SYT2: variants seen among roughly 807,000 people sequenced by gnomAD.
The protein encoded by SYT2 is synaptotagmin 2.
SYT2 carries 15 observed loss-of-function variants against 39.9 expected under a neutral mutation model. The ratio of observed to expected loss-of-function variants is 0.38; its 90% confidence interval spans 0.25 to 0.58. The LOEUF is 0.58. SYT2 is among the 20% of genes least tolerant of loss of function. SYT2 has a pLI of 0.70. For missense variants in SYT2, 389 were observed against 530.3 expected (o/e 0.73, Z 2.62); for synonymous variants, 181 against 204.5 (o/e 0.89, Z 0.98).
At chr1:202,656,386 T>C (rs975054380) in intron 1 of SYT2, among the ~76,000 whole-genome samples, 1 of 152,142 alleles carries the variant, frequency 6.6e-6, no homozygotes, top group Non-Finnish European at 1.5e-5. Flanking sequence ...GCAGGAGTGG[T>C]GCAAGCCTCT....
At chr1:202,627,495 T>G in intron 1 of SYT2, 1 of 984,586 alleles carries the variant, frequency 1.0e-6, no homozygotes, top group Non-Finnish European at 1.2e-6. Flanking sequence ...AGGGCCTGAG[T>G]GGTCATGGGT....
intron 1 of SYT2, among the ~76,000 whole-genome samples, chr1:202,646,486 C>A (rs1294134589): frequency 6.6e-6 from 1 of 152,216 alleles, no homozygotes; most frequent in East Asian, 1.9e-4. Context: ...AGGGCAAGGA[C>A]CCCTGCTCAC....
At chr1:202,604,654 GTGCCATGC>G in intron 2 of SYT2, 33 bp from the exon 3 acceptor site, 2 of 1,604,182 alleles carry the variant, frequency 1.2e-6, no homozygotes, top group Non-Finnish European at 8.5e-7. Context: ...AGGGTCAGCA[GTGCCATGC>G]CTTGCAGCCC....
chr1:202,624,386 G>A (rs1691290675), intron 1 of SYT2, among the ~76,000 whole-genome samples: 1 of 151,814 alleles, frequency 6.6e-6, no homozygotes, highest in Admixed American at 6.6e-5. Flanking sequence ...TATGTGTGGT[G>A]TGTACGTATG....
intron 1 of SYT2, among the ~76,000 whole-genome samples, chr1:202,647,456 T>TC (rs138885812): frequency 3.8e-4 from 57 of 151,398 alleles, no homozygotes; most frequent in South Asian, 1.0e-3. Context: ...TTGGGAGGCT[T>TC]CCCCCCCCAA....
At chr1:202,688,725 C>G (rs1653737431) in intron 1 of SYT2, among the ~76,000 whole-genome samples, 1 of 152,244 alleles carries the variant, frequency 6.6e-6, no homozygotes, top group Non-Finnish European at 1.5e-5. Flanking sequence ...GCAGGAAGAA[C>G]TTCCTGATGG....
At chr1:202,660,569 C>T (rs1692357269) in intron 1 of SYT2, among the ~76,000 whole-genome samples, 1 of 152,226 alleles carries the variant, frequency 6.6e-6, no homozygotes, top group Admixed American at 6.5e-5. Flanking sequence ...ATTCAGCAAG[C>T]TCAGTTCTGG....
At position 202,618,416 on chromosome 1, in the gene SYT2, T is replaced by TGTGTGTGTGTGCGC. The variant is rs1553336810; in HGVS notation, c.-17-12628_-17-12627insGCGCACACACACAC. On this transcript the variant is annotated intron_variant, in intron 1 of 8. Coordinates refer to ENST00000367268, the MANE Select transcript of SYT2 (RefSeq NM_177402.5). ...TCTGGTGTGAGTGTGTGTGTGTGTG[T>TGTGTGTGTGTGCGC]GTGTGTGTGTGTGTACAGCGAGACC... Among the ~76,000 whole-genome samples, 1,259 of 151,872 alleles carry TGTGTGTGTGTGCGC rather than the reference T, an allele frequency of 8.3e-3. 16 individuals carry two copies. The highest frequency in any genetic ancestry group is 0.029 in the African/African-American group (1,197 of 41,304).
intron 1 of SYT2, among the ~76,000 whole-genome samples, chr1:202,647,478 G>A (rs1692109818): frequency 6.6e-6 from 1 of 151,728 alleles, no homozygotes; most frequent in South Asian, 2.1e-4. Context: ...CGTACTCCAT[G>A]AGCACCCCCA....
chr1:202,625,578 G>A (rs1276808506), intron 1 of SYT2, among the ~76,000 whole-genome samples: 1 of 151,930 alleles, frequency 6.6e-6, no homozygotes, highest in Non-Finnish European at 1.5e-5. Context: ...CTTCCCTGCG[G>A]CCCGTTGAGG....
chr1:202,591,402 GCTA>G lies in SYT2; in HGVS notation c.*5352_*5354del, dbSNP rs1348447375. On this transcript the variant is annotated 3_prime_UTR_variant, in exon 9 of 9. Transcript: ENST00000367268. ...GGGGCCAGGGGCCGCAGGCAGGGGG[GCTA>G]CCTGTCCCTCTCAGTTCAACAGGAT... is the stretch of plus-strand genomic sequence containing the variant. 2 of 152,572 alleles carry G rather than the reference GCTA, an allele frequency of 1.3e-5. No homozygotes were observed. Among genetic ancestry groups the G allele is most frequent in the African/African-American group, 2.4e-5 (1 of 41,464 alleles). 9.5% of individuals were successfully genotyped at this position (152,572 alleles called of 1,614,324 possible).
At chr1:202,634,526 T>C (rs1572644489) in intron 1 of SYT2, among the ~76,000 whole-genome samples, 1 of 151,852 alleles carries the variant, frequency 6.6e-6, no homozygotes, top group South Asian at 2.1e-4. Context: ...TTGACAATCC[T>C]AGGCATATAC....
At chr1:202,701,265 G>C (rs974560569) in intron 1 of SYT2, among the ~76,000 whole-genome samples, 2 of 152,172 alleles carry the variant, frequency 1.3e-5, no homozygotes, top group Non-Finnish European at 2.9e-5. Context: ...CAACACCCAA[G>C]TCTGAATAAC....
At chr1:202,605,889 A>G (rs1298110108) in intron 1 of SYT2, 100 bp from the exon 2 acceptor site, 1 of 779,202 alleles carries the variant, frequency 1.3e-6, no homozygotes, top group African/African-American at 1.7e-5. Context: ...TTATAGATCA[A>G]AGATATTTTG....
intron 1 of SYT2, among the ~76,000 whole-genome samples, chr1:202,635,620 C>T (rs1691719521): frequency 6.6e-6 from 1 of 152,140 alleles, no homozygotes; most frequent in Non-Finnish European, 1.5e-5. Context: ...GCTCCAGAAG[C>T]AGACATTTCT....
intron 1 of SYT2, among the ~76,000 whole-genome samples, chr1:202,664,248 C>T (rs1302950295): frequency 6.6e-6 from 1 of 152,160 alleles, no homozygotes; most frequent in African/African-American, 2.4e-5. Flanking sequence ...GCTCATGCCT[C>T]TCATTCTGGT....
At chr1:202,700,444 G>A (rs534716044) in intron 1 of SYT2, among the ~76,000 whole-genome samples, 10 of 152,298 alleles carry the variant, frequency 6.6e-5, no homozygotes, top group Admixed American at 1.3e-4. Context: ...TCTAAGACCC[G>A]TTTATTGAGG....
At chr1:202,605,876 T>C in intron 1 of SYT2, 87 bp from the exon 2 acceptor site, 1 of 852,382 alleles carries the variant, frequency 1.2e-6, no homozygotes, top group Non-Finnish European at 1.8e-6. Flanking sequence ...CAGGAGAAGC[T>C]CTTTATAGAT....
intron 1 of SYT2, among the ~76,000 whole-genome samples, chr1:202,679,013 G>A (rs1653457932): frequency 6.6e-6 from 1 of 152,086 alleles, no homozygotes; most frequent in Non-Finnish European, 1.5e-5. Context: ...GGACACTTCT[G>A]CCCCATCTGC....
Sources: gnomAD v4.1 joint callset for allele counts (sites outside exome capture counted in the v4.1 genomes callset) on GRCh38, gnomAD v4.1.1 for gene constraint, MANE v1.5 for transcripts, NCBI Gene and HGNC (gene_info 2026-07-23, HGNC 2026-07-21) for gene names.